SLC20A2: variants seen among roughly 807,000 people sequenced by gnomAD.
The protein encoded by SLC20A2 is solute carrier family 20 member 2.
A neutral mutation model predicts 61.0 loss-of-function variants in SLC20A2; 30 were observed. The ratio of observed to expected loss-of-function variants is 0.49; its 90% CI spans 0.37 to 0.67. The LOEUF (loss-of-function observed/expected upper bound fraction) is 0.67. Ranked by LOEUF, SLC20A2 falls within the 30% of genes least tolerant of loss-of-function variation. The probability of loss-of-function intolerance (pLI) is 0.00; values close to 1 mark genes in which losing one functional copy is unlikely to be tolerated. For synonymous variants in SLC20A2, 351 were observed against 353.3 expected, an observed-to-expected ratio of 0.99 and a Z score of 0.07; for missense variants, 626 against 866.4, an observed-to-expected ratio of 0.72 and a Z score of 3.48.
At chr8:42,487,165 A>ATTTTTAAG (rs1189821315) in intron 1 of SLC20A2, among the ~76,000 whole-genome samples, 1 of 98,398 alleles carries the variant, frequency 1.0e-5, no homozygotes, top group African/African-American at 4.2e-5. Flanking sequence ...GTGCTTGGCC[A>ATTTTTAAG]TGGTTTCTTT....
chr8:42,466,375 T>A (rs1283243691), intron 2 of SLC20A2, among the ~76,000 whole-genome samples: 1 of 152,024 alleles, frequency 6.6e-6, no homozygotes, highest in Non-Finnish European at 1.5e-5. Flanking sequence ...CGTGAGGCAT[T>A]GTGTCCGGCC....
At chr8:42,484,198 TG>T (rs1808767706) in intron 1 of SLC20A2, among the ~76,000 whole-genome samples, 1 of 152,258 alleles carries the variant, frequency 6.6e-6, no homozygotes, top group African/African-American at 2.4e-5. Context: ...CTCTTTGCCA[TG>T]TGGGAGAATC....
In SLC20A2 at chr8:42,421,576, G is replaced by A. The variant is rs547711374; in HGVS notation, c.1795-3609C>T. ...TCCCAGCACTTTGGGAGGCCGAGGC[G>A]GGCAGATCACCTGAGGTCAGGAGTT... On this transcript the variant is annotated intron_variant, in intron 10 of 10. Coordinates refer to ENST00000520262, the MANE Select transcript of SLC20A2 (RefSeq NM_001257180.2). Among the ~76,000 whole-genome samples the A allele has an allele frequency of 2.4e-4, 36 of 152,214 alleles. No homozygotes were observed. The South Asian group carries it at 6.2e-3, about 26-fold the overall frequency.
chr8:42,448,129 T>C (rs1336296178), intron 5 of SLC20A2, among the ~76,000 whole-genome samples: 1 of 152,220 alleles, frequency 6.6e-6, no homozygotes, highest in Admixed American at 6.5e-5. Flanking sequence ...AACGTCAAAC[T>C]AACAACTGAC....
At chr8:42,516,742 TCCA>T (rs1811342183) in intron 1 of SLC20A2, among the ~76,000 whole-genome samples, 2 of 152,194 alleles carry the variant, frequency 1.3e-5, no homozygotes, top group Non-Finnish European at 2.9e-5. Context: ...CCTTTCTCCA[TCCA>T]CCACTAGTCC....
intron 1 of SLC20A2, among the ~76,000 whole-genome samples, chr8:42,491,653 AGAGT>A (rs1446544687): frequency 6.6e-6 from 1 of 151,950 alleles, no homozygotes; most frequent in East Asian, 1.9e-4. Context: ...CCTGGGTGAC[AGAGT>A]GAGACTCCAT....
At chr8:42,534,055 C>T (rs1335667183) in intron 1 of SLC20A2, among the ~76,000 whole-genome samples, 3 of 152,042 alleles carry the variant, frequency 2.0e-5, no homozygotes, top group East Asian at 1.9e-4. Flanking sequence ...GTGGCTCATG[C>T]CTGTAATCCC....
At position 42,442,397 on chromosome 8, in the gene SLC20A2, G is replaced by T. The variant is rs7007004; in HGVS notation, c.730+2249C>A. Among the ~76,000 whole-genome samples the T allele has an allele frequency of 7.8e-3, 1,181 of 152,176 alleles. 9 individuals carry two copies. Among genetic ancestry groups the T allele is most frequent in the African/African-American group, 0.027 (1,103 of 41,532 alleles). On this transcript the variant is annotated intron_variant, in intron 6 of 10. Coordinates refer to ENST00000520262, the MANE Select transcript of SLC20A2 (RefSeq NM_001257180.2). ...CATTTTAAGTTAATTTTTAAAATAA[G>T]GTTTAGGTTAATGTTCTTATTTTGG...
At chr8:42,438,077 A>AAAC (rs1804474111) in intron 7 of SLC20A2, among the ~76,000 whole-genome samples, 2 of 143,564 alleles carry the variant, frequency 1.4e-5, no homozygotes, top group African/African-American at 5.2e-5. Context: ...AAAAAAAAAA[A>AAAC]AAAAAAAAAA....
At chr8:42,521,243 T>C (rs1811612717) in intron 1 of SLC20A2, among the ~76,000 whole-genome samples, 1 of 121,524 alleles carries the variant, frequency 8.2e-6, no homozygotes, top group Non-Finnish European at 2.0e-5. Flanking sequence ...TATACCTGCA[T>C]CATGGAATAC....
intron 5 of SLC20A2, among the ~76,000 whole-genome samples, chr8:42,455,855 G>C (rs893373551): frequency 3.9e-5 from 6 of 152,168 alleles, no homozygotes; most frequent in African/African-American, 1.4e-4. Flanking sequence ...ATTCAGCATT[G>C]CCCTGCCTCA....
chr8:42,433,688 A>T (rs1429455951), intron 8 of SLC20A2, among the ~76,000 whole-genome samples: 1 of 152,200 alleles, frequency 6.6e-6, no homozygotes, highest in African/African-American at 2.4e-5. Context: ...AAGTGACAGG[A>T]CTTCCTTCTT....
At chr8:42,488,962 T>TG (rs1415894397) in intron 1 of SLC20A2, among the ~76,000 whole-genome samples, 4 of 121,958 alleles carry the variant, frequency 3.3e-5, no homozygotes, top group African/African-American at 1.2e-4. Context: ...TTTTTTGAAA[T>TG]GGAGTCTTGC....
chr8:42,497,387 G>A (rs889044474), intron 1 of SLC20A2, among the ~76,000 whole-genome samples: 33 of 152,136 alleles, frequency 2.2e-4, no homozygotes, highest in African/African-American at 8.0e-4. Context: ...AACACAGGCT[G>A]CTGGCCCTAC....
At chr8:42,491,437 G>A (rs933681920) in intron 1 of SLC20A2, among the ~76,000 whole-genome samples, 25 of 151,744 alleles carry the variant, frequency 1.6e-4, no homozygotes, top group African/African-American at 5.6e-4. Flanking sequence ...CCAGGGAGGT[G>A]TAGATTGCAG....
At chr8:42,430,818 T>C (rs1318199435) in intron 8 of SLC20A2, among the ~76,000 whole-genome samples, 2 of 152,148 alleles carry the variant, frequency 1.3e-5, no homozygotes, top group East Asian at 1.9e-4. Flanking sequence ...TATTATCATA[T>C]CTGTTATGGT....
intron 1 of SLC20A2, among the ~76,000 whole-genome samples, chr8:42,495,942 G>A (rs1387149677): frequency 1.3e-5 from 2 of 151,842 alleles, no homozygotes; most frequent in Non-Finnish European, 2.9e-5. Flanking sequence ...TAGAGAGGGG[G>A]TTTCACCATG....
chr8:42,458,854 A>G (rs1806431919), intron 5 of SLC20A2, among the ~76,000 whole-genome samples: 2 of 148,116 alleles, frequency 1.4e-5, no homozygotes, highest in Non-Finnish European at 3.0e-5. Context: ...GCTTGCAGTG[A>G]GCCAAGATAG....
intron 10 of SLC20A2, 59 bp downstream of exon 10, chr8:42,428,699 G>A (rs1803607856): frequency 6.8e-6 from 10 of 1,473,722 alleles, no homozygotes; most frequent in African/African-American, 1.4e-5. Flanking sequence ...CATGCGCTCC[G>A]GTGGCCCTGG....
Sources: allele counts gnomAD v4.1 joint callset (sites outside exome capture counted in the v4.1 genomes callset), GRCh38; gene constraint gnomAD v4.1.1; transcripts MANE v1.5; gene names NCBI Gene and HGNC (gene_info 2026-07-23, HGNC 2026-07-21).